SIPA1L3: variants seen among roughly 807,000 people sequenced by gnomAD.
SIPA1L3 encodes signal-induced proliferation-associated 1-like protein 3.
A neutral mutation model predicts 150.1 loss-of-function variants in SIPA1L3; 59 were observed. The ratio of observed to expected loss-of-function variants is 0.39; its 90% CI spans 0.32 to 0.49. The LOEUF (loss-of-function observed/expected upper bound fraction) is 0.49, where lower values mean the gene tolerates loss of function less well. Ranked by LOEUF, SIPA1L3 falls within the 20% of genes least tolerant of loss-of-function variation. SIPA1L3 has a pLI of 0.86. For missense variants in SIPA1L3, 2,211 were observed against 2,489.5 expected, an observed-to-expected ratio of 0.89 and a Z score of 2.38; for synonymous variants, 1,070 against 1,077.6, an observed-to-expected ratio of 0.99 and a Z score of 0.14.
intron 1 of SIPA1L3, among the ~76,000 whole-genome samples, chr19:37,968,779 A>T (rs1452982665): frequency 6.6e-6 from 1 of 152,180 alleles, no homozygotes; most frequent in African/African-American, 2.4e-5. Flanking sequence ...GGAAAAAGAG[A>T]GAGTGAGTTC....
chr19:38,099,436 G>A (rs1970451774), intron 4 of SIPA1L3, among the ~76,000 whole-genome samples: 1 of 151,766 alleles, frequency 6.6e-6, no homozygotes, highest in Non-Finnish European at 1.5e-5. Context: ...TTTTACTTGA[G>A]CATTTACAGT....
chr19:38,144,196 G>A lies in SIPA1L3; in HGVS notation c.3533+1486G>A, dbSNP rs1338644800. On this transcript the variant is annotated intron_variant, in intron 12 of 21. Transcript: ENST00000222345. ...GTGTATTTCCTGACTGTGGCCTTGA[G>A]CACTCTTCATCCTTATTAGCCAGCT... Among the ~76,000 whole-genome samples the A allele has an allele frequency of 4.6e-5, 7 of 152,358 alleles. No individual in the cohort carries two copies. In the East Asian group the frequency reaches 1.3e-3, roughly 29 times the overall value.
In SIPA1L3 at chr19:37,941,457, T is replaced by TTTG. The variant is rs199672418; in HGVS notation, c.-379+34101_-379+34102insGTT. On this transcript the variant is annotated intron_variant, in intron 1 of 21. Transcript: ENST00000222345. ...TGGTTTCTAATCTGTTGTGTGTTTT[T>TTTG]TTTTTTTTTTTTTCCTGCAGAGATT... Among the ~76,000 whole-genome samples, 57 of 148,406 alleles carry TTTG rather than the reference T, an allele frequency of 3.8e-4. No individual in the cohort carries two copies. The East Asian group carries it at 9.8e-3, about 26-fold the overall frequency.
intron 18 of SIPA1L3, among the ~76,000 whole-genome samples, chr19:38,196,925 T>C (rs1245713660): frequency 6.6e-6 from 1 of 152,178 alleles, no homozygotes; most frequent in Non-Finnish European, 1.5e-5. Context: ...CCTCAGTTTC[T>C]TTGACTGTAA....
chr19:38,057,711 A>G (rs934659706), intron 2 of SIPA1L3, among the ~76,000 whole-genome samples: 1 of 151,790 alleles, frequency 6.6e-6, no homozygotes, highest in Non-Finnish European at 1.5e-5. Flanking sequence ...CAGTGGCGCA[A>G]TCTTGGCTCA....
chr19:38,174,802 C>G (rs997806291), intron 15 of SIPA1L3, among the ~76,000 whole-genome samples: 4 of 151,622 alleles, frequency 2.6e-5, no homozygotes, highest in Non-Finnish European at 5.9e-5. Context: ...CCACTGGACT[C>G]CAGCCTGGGT....
Position 38,207,776 on chromosome 19 carries a change from C to G in SIPA1L3, c.*1536C>G, listed in dbSNP as rs974030123. The G allele has an allele frequency of 6.6e-6, 1 of 152,334 alleles. No individual in the cohort carries two copies. The highest frequency in any genetic ancestry group is 1.9e-4 in the East Asian group (1 of 5,186). The allele number at this position is 152,334 out of a possible 1,614,324, so 9.4% of individuals were successfully genotyped here. On this transcript the variant is annotated 3_prime_UTR_variant, in exon 22 of 22. Coordinates refer to ENST00000222345, the MANE Select transcript of SIPA1L3 (RefSeq NM_015073.3). ...ATAGGACGCAGGCACTCGGAGGTGC[C>G]GGTGTGGATGGGTGGGGGTGAGAGA...
At chr19:37,962,146 C>CTTTTTTTTTTTTTTTTTTTTT (rs369762947) in intron 1 of SIPA1L3, among the ~76,000 whole-genome samples, 1 of 142,246 alleles carries the variant, frequency 7.0e-6, no homozygotes. Context: ...TTCTTTCATT[C>CTTTTTTTTTTTTTTTTTTTTT]TTTTTTTTTT....
chr19:38,110,070 C>A, intron 7 of SIPA1L3, 157 bp from the exon 8 acceptor site: 1 of 696,608 alleles, frequency 1.4e-6, no homozygotes, highest in Non-Finnish European at 2.5e-6. Context: ...GAGGGAACCA[C>A]AGGAAGGTTT....
chr19:38,130,380 G>C, intron 9 of SIPA1L3, 118 bp from the exon 10 acceptor site: 1 of 1,039,268 alleles, frequency 9.6e-7, no homozygotes, highest in Non-Finnish European at 1.4e-6. Context: ...ACCCGGGAAG[G>C]TATTAATAGA....
intron 18 of SIPA1L3, among the ~76,000 whole-genome samples, chr19:38,195,594 G>A (rs1972903755): frequency 6.6e-6 from 1 of 152,214 alleles, no homozygotes; most frequent in Admixed American, 6.5e-5. Flanking sequence ...CGAAGTAGAT[G>A]TTCAGTCACT....
chr19:38,101,226 A>G lies in SIPA1L3; in HGVS notation c.2029A>G (p.Thr677Ala). ...TKYAAQLDVK[T>A]DSTGTHSLYT... ...GTACGCTGCCCAGCTGGACGTCAAG[A>G]GTAAGTAGGGGGCCGGTTAGATCAC... The change falls in exon 6 of 22, where the codon ACC (threonine) becomes GCC (alanine). Residue 677 changes from threonine to alanine, a missense_variant and splice_region_variant. This residue lies in a region of SIPA1L3 where 625 missense variants were observed against 804.2 expected (regional missense o/e 0.78). Transcript: ENST00000222345. 3.2e-6 allele frequency: 5 copies of G among 1,549,744 alleles called. No homozygotes were observed. The highest frequency in any genetic ancestry group is 4.4e-6 in the Non-Finnish European group (5 of 1,145,336).
chr19:38,201,834 C>T (rs1973093504), intron 19 of SIPA1L3, 28 bp from the exon 20 acceptor site: 6 of 1,578,178 alleles, frequency 3.8e-6, no homozygotes, highest in South Asian at 2.3e-5. Context: ...CCTTGCTGAC[C>T]CCTCTCCTCC....
At chr19:37,947,880 C>T (rs775109648) in intron 1 of SIPA1L3, among the ~76,000 whole-genome samples, 1 of 152,306 alleles carries the variant, frequency 6.6e-6, no homozygotes, top group East Asian at 1.9e-4. Context: ...GCAGCACTTT[C>T]CCTATGCTGG....
chr19:38,049,330 C>T (rs1969133907), intron 2 of SIPA1L3, among the ~76,000 whole-genome samples: 2 of 152,132 alleles, frequency 1.3e-5, no homozygotes, highest in South Asian at 2.1e-4. Context: ...AGTCAGCTTC[C>T]GGGGTTTGGA....
intron 2 of SIPA1L3, among the ~76,000 whole-genome samples, chr19:38,055,835 A>G (rs1969302698): frequency 6.6e-6 from 1 of 152,212 alleles, no homozygotes; most frequent in Non-Finnish European, 1.5e-5. Flanking sequence ...ACTTGGGAGA[A>G]GCTTTAAAAC....
At position 38,141,170 on chromosome 19, in the gene SIPA1L3, G is replaced by A. The variant is rs201924442; in HGVS notation, c.3144-14G>A. 1.3e-6 allele frequency: 2 copies of A among 1,562,430 alleles called. No individual in the cohort carries two copies. The highest frequency in any genetic ancestry group is 2.7e-5 in the African/African-American group (2 of 73,878). On this transcript the variant is annotated splice_polypyrimidine_tract_variant and intron_variant, in intron 10 of 21. Coordinates refer to ENST00000222345, the MANE Select transcript of SIPA1L3 (RefSeq NM_015073.3). Reference sequence around the variant, plus strand: ...GGCTGGGGCCTTTCTGAGTAATGCAGTTTTTCTCCCCAGGGGTTGGCCGGA... The same window carrying A: ...GGCTGGGGCCTTTCTGAGTAATGCAATTTTTCTCCCCAGGGGTTGGCCGGA...
chr19:37,999,166 CT>C (rs1967722282), intron 1 of SIPA1L3, among the ~76,000 whole-genome samples: 1 of 152,160 alleles, frequency 6.6e-6, no homozygotes, highest in Non-Finnish European at 1.5e-5. Context: ...GAGACCTTTT[CT>C]GGTTCAGCAA....
intron 1 of SIPA1L3, among the ~76,000 whole-genome samples, chr19:37,935,552 G>A (rs1418508193): frequency 6.6e-6 from 1 of 152,194 alleles, no homozygotes; most frequent in Non-Finnish European, 1.5e-5. Context: ...CTGGGGCTCA[G>A]CAGGATGGTT....
Sources: allele counts gnomAD v4.1 joint callset (sites outside exome capture counted in the v4.1 genomes callset), GRCh38; gene constraint gnomAD v4.1.1; regional missense constraint gnomAD v4.1.1; transcripts MANE v1.5; gene names NCBI Gene and HGNC (gene_info 2026-07-23, HGNC 2026-07-21).